Variants in ELL observed in about 807,000 individuals in gnomAD.
ELL encodes elongation factor for RNA polymerase II, also known as RNA polymerase II elongation factor ELL.
In ELL, 18 loss-of-function variants were observed where a neutral mutation model predicts 64.0. That is an observed-to-expected ratio of 0.28 (90% CI 0.19 to 0.42). The LOEUF (loss-of-function observed/expected upper bound fraction) is 0.42, where lower values mean the gene tolerates loss of function less well. Among genes scored for constraint, ELL ranks in the 10% least tolerant of loss-of-function variants. The pLI is 1.00. For synonymous variants in ELL, 399 were observed against 376.2 expected (o/e 1.06, Z -0.70); for missense variants, 797 against 870.4 (o/e 0.92, Z 1.06).
At chr19:18,509,234 T>C (rs1040905622) in intron 1 of ELL, among the ~76,000 whole-genome samples, 1 of 151,996 alleles carries the variant, frequency 6.6e-6, no homozygotes, top group African/African-American at 2.4e-5. Context: ...GGCATCCTTA[T>C]CACAGTGCCC....
chr19:18,495,684 C>T (rs936486765), intron 1 of ELL, among the ~76,000 whole-genome samples: 39 of 152,306 alleles, frequency 2.6e-4, no homozygotes, highest in African/African-American at 7.2e-4. Flanking sequence ...CAAGCCCTGG[C>T]TGAGTGAGCA....
At chr19:18,485,436 C>T (rs563298915) in intron 1 of ELL, among the ~76,000 whole-genome samples, 117 of 152,300 alleles carry the variant, frequency 7.7e-4, no homozygotes, top group Middle Eastern at 6.8e-3. Context: ...CCCCTTCTGC[C>T]GAGCCCCAGT....
chr19:18,506,067 A>G (rs1776616370), intron 1 of ELL, among the ~76,000 whole-genome samples: 1 of 152,160 alleles, frequency 6.6e-6, no homozygotes. Context: ...GACACCCAGA[A>G]GCTCTGCACC....
At chr19:18,458,437 G>T in intron 5 of ELL, 108 bp from the exon 6 acceptor site, 1 of 1,490,506 alleles carries the variant, frequency 6.7e-7, no homozygotes. Flanking sequence ...GACAGTGGGA[G>T]ACAGACAGAG....
intron 10 of ELL, among the ~76,000 whole-genome samples, chr19:18,445,611 G>A (rs929958637): frequency 2.0e-5 from 3 of 152,088 alleles, no homozygotes; most frequent in Admixed American, 6.5e-5. Flanking sequence ...CCAAGAACCC[G>A]TGGCTCGCAG....
chr19:18,473,137 C>T, intron 1 of ELL: 3 of 675,840 alleles, frequency 4.4e-6, no homozygotes, highest in Admixed American at 2.1e-5. Flanking sequence ...CCTCCAGACA[C>T]AGGCAACAGG....
At chr19:18,464,126 T>C (rs1164997744) in intron 4 of ELL, among the ~76,000 whole-genome samples, 1 of 152,200 alleles carries the variant, frequency 6.6e-6, no homozygotes, top group Admixed American at 6.5e-5. Context: ...CCCAGCATTG[T>C]GGGAGGCCCA....
intron 1 of ELL, among the ~76,000 whole-genome samples, chr19:18,503,865 C>T (rs934540608): frequency 2.0e-5 from 3 of 152,198 alleles, no homozygotes; most frequent in African/African-American, 4.8e-5. Flanking sequence ...GTTCAGAATG[C>T]ACCTGGCTAA....
chr19:18,506,247 T>C (rs1428947753), intron 1 of ELL, among the ~76,000 whole-genome samples: 1 of 152,208 alleles, frequency 6.6e-6, no homozygotes, highest in Admixed American at 6.5e-5. Context: ...GCCCCAGGCC[T>C]GGGCCCTGTC....
At chr19:18,497,491 G>C (rs1975681296) in intron 1 of ELL, among the ~76,000 whole-genome samples, 1 of 152,124 alleles carries the variant, frequency 6.6e-6, no homozygotes. Flanking sequence ...ACAGCACCAA[G>C]AGTGTGTCCC....
intron 1 of ELL, among the ~76,000 whole-genome samples, chr19:18,498,392 T>C (rs1975706807): frequency 6.6e-6 from 1 of 152,286 alleles, no homozygotes; most frequent in Non-Finnish European, 1.5e-5. Context: ...TCGCCTCAGC[T>C]AGAAGACAAC....
At position 18,522,018 on chromosome 19, in the gene ELL, G is replaced by C. The variant is rs1298644579; in HGVS notation, c.38C>G (p.Ser13Trp). 1.2e-6 allele frequency: 2 copies of C among 1,610,394 alleles called. No individual in the cohort carries two copies. Among genetic ancestry groups the C allele is most frequent in the Non-Finnish European group, 1.7e-6 (2 of 1,178,440 alleles). Reference protein sequence around the residue: ...ALKEDRSYGLSCGRVSDGSKV... With the variant: ...ALKEDRSYGLWCGRVSDGSKV... ...GCTGCCGTCGCTAACCCGCCCGCAC[G>C]ACAGCCCGTAGCTCCTATCCTCCTT... Residue 13 changes from serine (S) to tryptophan (W), a missense_variant, in exon 1 of 12, where the codon TCG becomes TGG. Transcript: ENST00000262809.
At chr19:18,447,374 A>T (rs1476077946) in intron 8 of ELL, among the ~76,000 whole-genome samples, 2 of 152,248 alleles carry the variant, frequency 1.3e-5, no homozygotes, top group Non-Finnish European at 2.9e-5. Context: ...CCCCACCCAG[A>T]TCATCCCGTC....
Position 18,443,989 on chromosome 19 carries a change from C to T in ELL, c.*763G>A, listed in dbSNP as rs1021355266. On this transcript the variant is annotated 3_prime_UTR_variant, in exon 12 of 12. Transcript: ENST00000262809. ...TGCGGCCGAGTCTCAACTTGGAGCA[C>T]AGAAACACAGTGGCCCCCGACAGCT... is the stretch of plus-strand genomic sequence containing the variant. 5 of 232,414 alleles carry T rather than the reference C, an allele frequency of 2.2e-5. No individual in the cohort carries two copies. Among genetic ancestry groups the T allele is most frequent in the Non-Finnish European group, 2.6e-5 (3 of 117,602 alleles). The allele number at this position is 232,414 out of a possible 1,614,324, so 14.4% of individuals were successfully genotyped here. A position where few individuals can be genotyped will look rare whatever the true frequency, so the allele number is the denominator to read the frequency against.
At chr19:18,466,014 A>G in intron 2 of ELL, 96 bp from the exon 3 acceptor site, 6 of 1,163,318 alleles carry the variant, frequency 5.2e-6, no homozygotes, top group Non-Finnish European at 6.5e-6. Context: ...TGCAACCCTC[A>G]CAACAGGAAT....
At chr19:18,517,753 GGCT>G (rs1976159105) in intron 1 of ELL, among the ~76,000 whole-genome samples, 1 of 151,766 alleles carries the variant, frequency 6.6e-6, no homozygotes. Context: ...CAGGCACAAT[GGCT>G]CATGCCTGTA....
At chr19:18,484,610 G>C (rs911417956) in intron 1 of ELL, among the ~76,000 whole-genome samples, 1 of 152,144 alleles carries the variant, frequency 6.6e-6, no homozygotes. Context: ...ACTGCACTCC[G>C]GCAGGGGTGA....
chr19:18,451,343 A>AC (rs1230584543), intron 7 of ELL, among the ~76,000 whole-genome samples: 1 of 152,224 alleles, frequency 6.6e-6, no homozygotes, highest in East Asian at 1.9e-4. Flanking sequence ...CCGCACTGTG[A>AC]CACTGGGGTG....
In ELL at chr19:18,450,803, G is replaced by C; in HGVS notation, c.1139C>G (p.Ser380Cys). Residue 380 changes from serine to cysteine, a missense_variant, in exon 8 of 12, where the codon TCC (serine) becomes TGC (cysteine). Coordinates refer to ENST00000262809, the MANE Select transcript of ELL (RefSeq NM_006532.4). ...CAGCCGCGGGGGCAGGTGAGTGCTG[G>C]AGCTGAGGGTGTCCGTGCTGGCTGG... ...GPPASTDTLS[S>C]STHLPPRLEP... is the part of the protein sequence containing the mutation. 1.3e-6 allele frequency: 2 copies of C among 1,584,158 alleles called. No individual in the cohort carries two copies. Among genetic ancestry groups the C allele is most frequent in the Non-Finnish European group, 1.7e-6 (2 of 1,164,694 alleles).
Sources: gnomAD v4.1 joint callset for allele counts (sites outside exome capture counted in the v4.1 genomes callset) on GRCh38, gnomAD v4.1.1 for gene constraint, MANE v1.5 for transcripts, NCBI Gene and HGNC (gene_info 2026-07-23, HGNC 2026-07-21) for gene names.